GABBR2: variants seen among roughly 807,000 people sequenced by gnomAD.
GABBR2 encodes the protein G-protein coupled receptor 51.
Under a neutral mutation model 105.6 loss-of-function variants are expected in GABBR2, and 23 were observed. The observed-to-expected ratio is 0.22, with a 90% CI of 0.16 to 0.31. The LOEUF is 0.31. Ranked by LOEUF, GABBR2 falls within the 10% of genes least tolerant of loss-of-function variation. The pLI, the probability that GABBR2 is intolerant of heterozygous loss-of-function variation, is 1.00. For missense variants in GABBR2, 734 were observed against 1,245.5 expected (o/e 0.59, Z 6.18); for synonymous variants, 478 against 499.7 (o/e 0.96, Z 0.58).
chr9:98,510,391 T>A (rs1036027217), intron 3 of GABBR2, among the ~76,000 whole-genome samples: 13 of 152,162 alleles, frequency 8.5e-5, no homozygotes, highest in African/African-American at 2.7e-4. Context: ...ACTAACATCA[T>A]AATGAGAGGA....
At chr9:98,389,828 C>T (rs958843691) in intron 9 of GABBR2, among the ~76,000 whole-genome samples, 5 of 152,148 alleles carry the variant, frequency 3.3e-5, no homozygotes, top group African/African-American at 1.2e-4. Context: ...TTCTTAGCTG[C>T]TATTTTAGGT....
intron 7 of GABBR2, among the ~76,000 whole-genome samples, chr9:98,453,453 G>T (rs887243395): frequency 1.3e-5 from 2 of 152,236 alleles, no homozygotes; most frequent in African/African-American, 4.8e-5. Context: ...GAGACAGAAA[G>T]ATGGTCACCA....
intron 2 of GABBR2, among the ~76,000 whole-genome samples, chr9:98,568,776 CT>C (rs1828785116): frequency 6.6e-6 from 1 of 152,194 alleles, no homozygotes; most frequent in Non-Finnish European, 1.5e-5. Flanking sequence ...CCTGAAAACC[CT>C]TCTGTGGGTT....
chr9:98,439,378 T>A (rs1228267878), intron 7 of GABBR2, among the ~76,000 whole-genome samples: 2 of 152,188 alleles, frequency 1.3e-5, no homozygotes, highest in African/African-American at 4.8e-5. Context: ...AGAAATTTGC[T>A]TACTAATTTT....
intron 1 of GABBR2, among the ~76,000 whole-genome samples, chr9:98,641,048 C>A (rs1829953969): frequency 6.6e-6 from 1 of 152,082 alleles, no homozygotes; most frequent in Non-Finnish European, 1.5e-5. Flanking sequence ...CCTGGGCTTC[C>A]TTCTCCCCTC....
intron 2 of GABBR2, among the ~76,000 whole-genome samples, chr9:98,576,534 G>A (rs900564863): frequency 1.3e-5 from 2 of 152,122 alleles, no homozygotes; most frequent in Non-Finnish European, 2.9e-5. Flanking sequence ...TATCTTAAGG[G>A]CCAGACTGCT....
rs2131843953 is a variant in GABBR2 at position 98,648,723 on chromosome 9, C to T, written c.321+59694G>A. ...TTAAATACCGACATTCCAGGCCTTACCCCAACCCCAACCCACAGAATGAAC... is the reference window on the plus strand; with the variant it reads ...TTAAATACCGACATTCCAGGCCTTATCCCAACCCCAACCCACAGAATGAAC... On this transcript the variant is annotated intron_variant, in intron 1 of 18. Transcript: ENST00000259455. 2.6e-5 allele frequency among the ~76,000 whole-genome samples: 4 copies of T among 152,284 alleles called. 1 individual carries two copies. The South Asian group carries it at 8.3e-4, about 32-fold the overall frequency.
In GABBR2 at chr9:98,351,976, G is replaced by C. The variant is rs536599828; in HGVS notation, c.1893+10739C>G. 9.2e-4 allele frequency among the ~76,000 whole-genome samples: 140 copies of C among 152,292 alleles called. No individual in the cohort carries two copies. The Middle Eastern group carries it at 0.01, about 11-fold the overall frequency. On this transcript the variant is annotated intron_variant, in intron 13 of 18. Coordinates refer to ENST00000259455, the MANE Select transcript of GABBR2 (RefSeq NM_005458.8). ...CCAATTTTAGGGATTGACTTTCATG[G>C]GGAAATAATTTTTCCTGTACATGTG...
chr9:98,649,115 T>C (rs1034206936), intron 1 of GABBR2, among the ~76,000 whole-genome samples: 12 of 152,302 alleles, frequency 7.9e-5, no homozygotes, highest in African/African-American at 2.6e-4. Context: ...AAGGCAGATT[T>C]CTCCTGATTC....
intron 8 of GABBR2, among the ~76,000 whole-genome samples, chr9:98,404,611 C>A: frequency 6.6e-6 from 1 of 152,184 alleles, no homozygotes; most frequent in East Asian, 1.9e-4. Context: ...TTCATCTAGT[C>A]GTTTTGGCTA....
chr9:98,490,868 G>A (rs957309118), intron 4 of GABBR2, among the ~76,000 whole-genome samples: 1 of 152,198 alleles, frequency 6.6e-6, no homozygotes, highest in Non-Finnish European at 1.5e-5. Context: ...GGCTTGGAAT[G>A]AGCTTAAAGG....
intron 1 of GABBR2, among the ~76,000 whole-genome samples, chr9:98,581,914 T>C (rs1435044902): frequency 1.3e-5 from 2 of 152,236 alleles, no homozygotes. Context: ...TTAGTAATGA[T>C]GTCACGGCTT....
At chr9:98,359,337 A>G (rs1160326386) in intron 13 of GABBR2, among the ~76,000 whole-genome samples, 1 of 152,150 alleles carries the variant, frequency 6.6e-6, no homozygotes, top group Non-Finnish European at 1.5e-5. Flanking sequence ...CTGAGGCATG[A>G]GAATCACTTG....
intron 6 of GABBR2, among the ~76,000 whole-genome samples, chr9:98,460,115 T>C (rs976930083): frequency 6.6e-6 from 1 of 152,182 alleles, no homozygotes; most frequent in Admixed American, 6.5e-5. Context: ...AACTTTAAAA[T>C]AGCAAGGTTG....
At chr9:98,355,940 C>G (rs1831475872) in intron 13 of GABBR2, among the ~76,000 whole-genome samples, 1 of 152,152 alleles carries the variant, frequency 6.6e-6, no homozygotes, top group Admixed American at 6.5e-5. Flanking sequence ...CACAAAGATG[C>G]AAAGGTAATA....
At chr9:98,666,962 C>T (rs945268909) in intron 1 of GABBR2, among the ~76,000 whole-genome samples, 19 of 152,068 alleles carry the variant, frequency 1.2e-4, no homozygotes, top group African/African-American at 4.3e-4. Context: ...GCGTTTGGTG[C>T]CCAGGTGATC....
intron 1 of GABBR2, among the ~76,000 whole-genome samples, chr9:98,679,604 T>C (rs1293859363): frequency 6.6e-6 from 1 of 152,222 alleles, no homozygotes; most frequent in East Asian, 1.9e-4. Context: ...TCTGGCACCT[T>C]GGCATTTGAG....
chr9:98,323,511 C>T (rs1830862631), intron 13 of GABBR2, among the ~76,000 whole-genome samples: 1 of 152,222 alleles, frequency 6.6e-6, no homozygotes, highest in Non-Finnish European at 1.5e-5. Context: ...ACTCCTCTGG[C>T]CAAGGAGCCT....
At chr9:98,340,810 C>A (rs1249839579) in intron 13 of GABBR2, among the ~76,000 whole-genome samples, 1 of 152,220 alleles carries the variant, frequency 6.6e-6, no homozygotes, top group African/African-American at 2.4e-5. Context: ...GCCTGTATTT[C>A]TGCCAACATG....
Sources: allele counts gnomAD v4.1 joint callset (sites outside exome capture counted in the v4.1 genomes callset), GRCh38; gene constraint gnomAD v4.1.1; transcripts MANE v1.5; gene names NCBI Gene and HGNC (gene_info 2026-07-23, HGNC 2026-07-21).